The following TASP1 variants were observed in gnomAD, a reference collection of about 807,000 sequenced individuals.
The protein encoded by TASP1 is threonine aspartase 1.
TASP1 carries 16 observed loss-of-function variants against 56.6 expected under a neutral mutation model. The ratio of observed to expected loss-of-function variants is 0.28; its 90% confidence interval spans 0.19 to 0.43. The LOEUF is 0.43. Among genes scored for constraint, TASP1 ranks in the 20% least tolerant of loss-of-function variants. The pLI is 1.00. For synonymous variants in TASP1, 179 were observed against 184.2 expected (o/e 0.97, Z 0.23); for missense variants, 393 against 511.6 (o/e 0.77, Z 2.24).
At chr20:13,435,627 G>T (rs537979217) in intron 11 of TASP1, among the ~76,000 whole-genome samples, 1 of 152,250 alleles carries the variant, frequency 6.6e-6, no homozygotes, top group East Asian at 1.9e-4. Flanking sequence ...TGCTTCTGAT[G>T]GTTCGCACAA....
the TASP1 span, among the ~76,000 whole-genome samples, chr20:13,229,734 T>A: frequency 6.6e-6 from 1 of 152,198 alleles, no homozygotes; most frequent in African/African-American, 2.4e-5. Flanking sequence ...GTAATTCTTC[T>A]AGGGAAACTG....
chr20:13,396,498 C>T (rs188257804), intron 13 of TASP1, among the ~76,000 whole-genome samples: 21 of 152,182 alleles, frequency 1.4e-4, no homozygotes, highest in East Asian at 3.9e-4. Flanking sequence ...TATTGGACAA[C>T]GGAAAATGAA....
At chr20:13,523,893 G>A (rs1601115026) in intron 10 of TASP1, among the ~76,000 whole-genome samples, 11 of 152,088 alleles carry the variant, frequency 7.2e-5, no homozygotes, top group Admixed American at 7.2e-4. Flanking sequence ...TGTACTCACT[G>A]TTTCCAGCAC....
At chr20:13,125,168 T>C in the TASP1 span, among the ~76,000 whole-genome samples, 2 of 152,128 alleles carry the variant, frequency 1.3e-5, no homozygotes, top group Admixed American at 1.3e-4. Context: ...TCTGAGGCCC[T>C]CACCACTGCG....
the TASP1 span, among the ~76,000 whole-genome samples, chr20:13,359,277 C>A: frequency 6.7e-6 from 1 of 149,252 alleles, no homozygotes; most frequent in Non-Finnish European, 1.5e-5. Flanking sequence ...GGAATGCCCG[C>A]AGGCCAGGAT....
the TASP1 span, among the ~76,000 whole-genome samples, chr20:13,358,486 G>A: frequency 1.3e-5 from 2 of 152,270 alleles, no homozygotes; most frequent in Middle Eastern, 3.4e-3. Context: ...CAGGTAGGCG[G>A]CCTCTTCTTA....
At chr20:13,336,457 G>A in the TASP1 span, among the ~76,000 whole-genome samples, 7 of 152,072 alleles carry the variant, frequency 4.6e-5, no homozygotes, top group South Asian at 2.1e-4. Flanking sequence ...CCCTGTGCCC[G>A]CAGTGGAAGA....
At chr20:13,146,729 T>C in the TASP1 span, among the ~76,000 whole-genome samples, 1 of 152,214 alleles carries the variant, frequency 6.6e-6, no homozygotes, top group African/African-American at 2.4e-5. Context: ...TTTCATCTTC[T>C]ATTGCCACCT....
chr20:13,179,406 C>CGTGTGTGTGTGTGTGT, the TASP1 span, among the ~76,000 whole-genome samples: 134 of 143,506 alleles, frequency 9.3e-4, no homozygotes, highest in African/African-American at 1.8e-3. Context: ...GAATTATGTG[C>CGTGTGTGTGTGTGTGT]GTGTGTGTGT....
chr20:13,440,312 T>C (rs1052910979), intron 11 of TASP1, among the ~76,000 whole-genome samples: 1 of 151,558 alleles, frequency 6.6e-6, no homozygotes, highest in Admixed American at 6.6e-5. Flanking sequence ...AGAAGGGAGG[T>C]AAATAATGAG....
the TASP1 span, among the ~76,000 whole-genome samples, chr20:13,246,742 A>G: frequency 6.6e-6 from 1 of 152,224 alleles, no homozygotes; most frequent in African/African-American, 2.4e-5. Context: ...CCTTATAAGA[A>G]GAAAGTAACT....
the TASP1 span, among the ~76,000 whole-genome samples, chr20:13,118,177 C>T: frequency 1.3e-5 from 2 of 151,994 alleles, no homozygotes; most frequent in Admixed American, 6.6e-5. Flanking sequence ...ATAATAGCAA[C>T]AGTAGGCAAT....
the TASP1 span, among the ~76,000 whole-genome samples, chr20:13,225,605 C>T: frequency 6.6e-6 from 1 of 151,998 alleles, no homozygotes. Flanking sequence ...TACAAGGTGG[C>T]AGTAAAAAGT....
the TASP1 span, among the ~76,000 whole-genome samples, chr20:13,287,815 G>A: frequency 4.6e-5 from 7 of 152,264 alleles, no homozygotes; most frequent in Admixed American, 6.5e-5. Context: ...ATTGCTACAC[G>A]TAACAAAATA....
the TASP1 span, among the ~76,000 whole-genome samples, chr20:13,212,394 GGAGGGATTGTT>G: frequency 6.6e-6 from 1 of 152,130 alleles, no homozygotes; most frequent in Non-Finnish European, 1.5e-5. Flanking sequence ...ATTGGGCTTT[GGAGGGATTGTT>G]TGTTATAGCA....
At chr20:13,305,731 G>A in the TASP1 span, among the ~76,000 whole-genome samples, 1 of 152,122 alleles carries the variant, frequency 6.6e-6, no homozygotes, top group African/African-American at 2.4e-5. Context: ...GAAGGAGAGG[G>A]ACATATTCCA....
chr20:13,398,176 C>A (rs781401394), intron 13 of TASP1, among the ~76,000 whole-genome samples: 1 of 152,176 alleles, frequency 6.6e-6, no homozygotes, highest in Non-Finnish European at 1.5e-5. Flanking sequence ...CTCAGTTAAT[C>A]TGTCAGTGAG....
At chr20:13,299,746 A>T in the TASP1 span, 1 of 334,864 alleles carries the variant, frequency 3.0e-6, no homozygotes, top group Non-Finnish European at 5.5e-6. The surrounding 1 kb of genome is among the most constrained non-coding windows in gnomAD (Gnocchi z 5.8). Context: ...TGGAAGCCAC[A>T]GTGGGTGCGA....
chr20:13,415,347 C>T (rs1266533669), intron 13 of TASP1, among the ~76,000 whole-genome samples: 1 of 151,112 alleles, frequency 6.6e-6, no homozygotes, highest in Non-Finnish European at 1.5e-5. Context: ...ACTTGCAATA[C>T]AAAAAAATTC....
Sources: gnomAD v4.1 joint callset for allele counts (sites outside exome capture counted in the v4.1 genomes callset) on GRCh38, gnomAD v4.1.1 for gene constraint, Gnocchi (gnomAD v3.1) non-coding constraint, MANE v1.5 for transcripts, NCBI Gene and HGNC (gene_info 2026-07-23, HGNC 2026-07-21) for gene names.